The following GRID1 variants were observed in gnomAD, a reference collection of about 807,000 sequenced individuals.
GRID1 encodes the protein glutamate ionotropic receptor delta type subunit 1.
Under a neutral mutation model 98.0 loss-of-function variants are expected in GRID1, and 28 were observed. That is an observed-to-expected ratio of 0.29 (90% CI 0.21 to 0.39). The LOEUF is 0.39. Among genes scored for constraint, GRID1 ranks in the 10% least tolerant of loss-of-function variants. GRID1 has a pLI of 1.00. For missense variants in GRID1, 1,111 were observed against 1,340.5 expected (o/e 0.83, Z 2.67); for synonymous variants, 553 against 538.5 (o/e 1.03, Z -0.37).
chr10:85,936,865 C>A (rs900190019), intron 4 of GRID1, among the ~76,000 whole-genome samples: 1 of 152,178 alleles, frequency 6.6e-6, no homozygotes, highest in African/African-American at 2.4e-5. Context: ...GTTAAAAGAG[C>A]AGTTATTAAG....
chr10:86,018,003 C>G (rs1202423629), intron 4 of GRID1, among the ~76,000 whole-genome samples: 1 of 152,226 alleles, frequency 6.6e-6, no homozygotes, highest in Admixed American at 6.5e-5. Context: ...CGTCCCTCCT[C>G]CTCACACAGA....
chr10:86,342,079 G>A (rs138546618), intron 2 of GRID1, among the ~76,000 whole-genome samples: 349 of 152,228 alleles, frequency 2.3e-3, no homozygotes, highest in Middle Eastern at 3.4e-3. Flanking sequence ...GTGACCTTCC[G>A]GGCCTCATCC....
In GRID1 at chr10:85,685,837, T is replaced by G. The variant is rs548068327; in HGVS notation, c.1997+37166A>C. ...TAGTGTATAGAAAATGTAGCAGAAA[T>G]AAATATACTATTCATATTAACAATA... On this transcript the variant is annotated intron_variant, in intron 12 of 15. Transcript: ENST00000327946. Among the ~76,000 whole-genome samples, 4 of 152,106 alleles carry G rather than the reference T, an allele frequency of 2.6e-5. No individual in the cohort carries two copies. The East Asian group carries it at 5.8e-4, about 22-fold the overall frequency.
At chr10:86,343,881 G>C (rs1848345617) in intron 2 of GRID1, among the ~76,000 whole-genome samples, 3 of 152,270 alleles carry the variant, frequency 2.0e-5, no homozygotes, top group Admixed American at 2.0e-4. Context: ...AATGTCCAGA[G>C]CTGTGATGAA....
chr10:85,755,187 C>G (rs537296448), intron 8 of GRID1, among the ~76,000 whole-genome samples: 2 of 152,226 alleles, frequency 1.3e-5, no homozygotes, highest in Non-Finnish European at 2.9e-5. Flanking sequence ...GTCAAACTTG[C>G]GCAAGCATTT....
At chr10:86,253,109 G>A (rs958157580) in intron 2 of GRID1, among the ~76,000 whole-genome samples, 4 of 152,208 alleles carry the variant, frequency 2.6e-5, no homozygotes, top group Admixed American at 6.5e-5. Context: ...AATGAAATCC[G>A]AAAAGGGTTA....
intron 8 of GRID1, among the ~76,000 whole-genome samples, chr10:85,765,093 A>T (rs1308412889): frequency 6.6e-6 from 1 of 152,188 alleles, no homozygotes; most frequent in Non-Finnish European, 1.5e-5. Context: ...TAATCCTCAA[A>T]ACAACCCCAT....
At chr10:86,244,028 G>A (rs1443525500) in intron 2 of GRID1, among the ~76,000 whole-genome samples, 1 of 152,216 alleles carries the variant, frequency 6.6e-6, no homozygotes, top group Non-Finnish European at 1.5e-5. Flanking sequence ...ATACATGTAT[G>A]TGTGCACACC....
chr10:85,794,536 G>A (rs992471462), intron 8 of GRID1, among the ~76,000 whole-genome samples: 8 of 152,216 alleles, frequency 5.3e-5, no homozygotes, highest in African/African-American at 1.7e-4. Context: ...ATTCTCCACT[G>A]GAAGAATCTT....
Position 85,934,413 on chromosome 10 carries a change from GACACACACAC to G in GRID1, c.727-18184_727-18175del, listed in dbSNP as rs5786728. Among the ~76,000 whole-genome samples, 455 of 141,506 alleles carry G rather than the reference GACACACACAC, an allele frequency of 3.2e-3. 4 individuals carry two copies. The highest frequency in any genetic ancestry group is 0.01 in the African/African-American group (391 of 38,420). 92.8% of individuals were successfully genotyped at this position (141,506 alleles called of 152,430 possible). A position where few individuals can be genotyped will look rare whatever the true frequency, so the allele number is the denominator to read the frequency against. ...GAAGAACCCTAAGCTGCAGAGATTG[GACACACACAC>G]ACACACACACACACACACACACACA... On this transcript the variant is annotated intron_variant, in intron 4 of 15. Coordinates refer to ENST00000327946, the MANE Select transcript of GRID1 (RefSeq NM_017551.3).
intron 8 of GRID1, among the ~76,000 whole-genome samples, chr10:85,818,963 C>A (rs112478758): frequency 6.6e-6 from 1 of 152,010 alleles, no homozygotes; most frequent in African/African-American, 2.4e-5. Flanking sequence ...TTGAGTGATC[C>A]GCCCGCCTCA....
chr10:86,066,244 G>T (rs1843718595), intron 4 of GRID1, among the ~76,000 whole-genome samples: 1 of 152,172 alleles, frequency 6.6e-6, no homozygotes, highest in Non-Finnish European at 1.5e-5. Flanking sequence ...ATTCAGGGAT[G>T]TTGCTCCACG....
intron 2 of GRID1, among the ~76,000 whole-genome samples, chr10:86,301,503 G>A (rs1847687163): frequency 1.3e-5 from 2 of 152,222 alleles, no homozygotes; most frequent in African/African-American, 4.8e-5. Context: ...TTTAAAGGGG[G>A]AGCAGACACA....
intron 12 of GRID1, among the ~76,000 whole-genome samples, chr10:85,683,985 T>C (rs942019576): frequency 5.9e-5 from 9 of 152,146 alleles, no homozygotes; most frequent in Non-Finnish European, 8.8e-5. Context: ...ATTAATAAAA[T>C]ATGGGCAAAA....
In GRID1 at chr10:86,173,508, A is replaced by G. The variant is rs918066275; in HGVS notation, c.520+32856T>C. Among the ~76,000 whole-genome samples the G allele has an allele frequency of 3.9e-5, 6 of 152,170 alleles. No individual in the cohort carries two copies. In the East Asian group the frequency reaches 9.6e-4, roughly 24 times the overall value. On this transcript the variant is annotated intron_variant, in intron 3 of 15. Transcript: ENST00000327946. ...CTGACAAAGTCTATACATATAGCCA[A>G]TTGTTTGATACATCTCTTAAATCAC...
intron 12 of GRID1, among the ~76,000 whole-genome samples, chr10:85,717,646 G>A (rs1413790444): frequency 6.6e-6 from 1 of 152,140 alleles, no homozygotes; most frequent in African/African-American, 2.4e-5. Flanking sequence ...CAAATGTCAT[G>A]TCCTCACATT....
At chr10:85,699,052 T>G (rs1005434776) in intron 12 of GRID1, among the ~76,000 whole-genome samples, 1 of 151,990 alleles carries the variant, frequency 6.6e-6, no homozygotes, top group African/African-American at 2.4e-5. Flanking sequence ...TTTTGTTTTG[T>G]TTTTTGTTTT....
At chr10:86,081,464 C>T (rs923433972) in intron 4 of GRID1, among the ~76,000 whole-genome samples, 2 of 152,194 alleles carry the variant, frequency 1.3e-5, no homozygotes, top group African/African-American at 2.4e-5. Context: ...GAAGAGGAGG[C>T]TCATGGCCAC....
chr10:86,218,968 C>T (rs1777905745), intron 2 of GRID1, among the ~76,000 whole-genome samples: 1 of 152,196 alleles, frequency 6.6e-6, no homozygotes, highest in Non-Finnish European at 1.5e-5. Flanking sequence ...CACCCACTAT[C>T]GACAGCACAG....
Sources: gnomAD v4.1 joint callset for allele counts (sites outside exome capture counted in the v4.1 genomes callset) on GRCh38, gnomAD v4.1.1 for gene constraint, MANE v1.5 for transcripts, NCBI Gene and HGNC (gene_info 2026-07-23, HGNC 2026-07-21) for gene names.